DPP6: variants seen among roughly 807,000 people sequenced by gnomAD.
The protein encoded by DPP6 is dipeptidyl peptidase like 6.
Under a neutral mutation model 122.6 loss-of-function variants are expected in DPP6, and 69 were observed. The observed-to-expected ratio is 0.56, with a 90% CI of 0.46 to 0.69. The LOEUF is 0.69. Among genes scored for constraint, DPP6 ranks in the 30% least tolerant of loss-of-function variants. The pLI is 0.00. For missense variants in DPP6, 928 were observed against 1,116.9 expected (o/e 0.83, Z 2.41); for synonymous variants, 418 against 433.1 (o/e 0.97, Z 0.43).
At chr7:154,352,212 C>A (rs1179999946) in intron 1 of DPP6, among the ~76,000 whole-genome samples, 1 of 152,060 alleles carries the variant, frequency 6.6e-6, no homozygotes, top group African/African-American at 2.4e-5. Flanking sequence ...GCCTGTAATC[C>A]CAGCACTTTG....
intron 1 of DPP6, among the ~76,000 whole-genome samples, chr7:154,117,103 C>T (rs987335789): frequency 1.3e-5 from 2 of 151,972 alleles, no homozygotes; most frequent in Middle Eastern, 3.4e-3. Flanking sequence ...CTATCAGAAA[C>T]TTGATCTAGT....
the DPP6 span, among the ~76,000 whole-genome samples, chr7:153,831,147 T>C: frequency 6.6e-6 from 1 of 152,206 alleles, no homozygotes; most frequent in African/African-American, 2.4e-5. Context: ...ATGTGACTAA[T>C]TTAATGTACT....
intron 1 of DPP6, among the ~76,000 whole-genome samples, chr7:153,910,834 C>A (rs896522934): frequency 6.6e-6 from 1 of 152,166 alleles, no homozygotes; most frequent in Non-Finnish European, 1.5e-5. Context: ...CATCAACAAG[C>A]AGCTCGGGTT....
At chr7:153,913,908 C>T (rs986939992) in intron 1 of DPP6, among the ~76,000 whole-genome samples, 3 of 152,126 alleles carry the variant, frequency 2.0e-5, no homozygotes, top group Admixed American at 2.0e-4. Context: ...AGTAGAAATA[C>T]GGACTTTCTT....
intron 1 of DPP6, among the ~76,000 whole-genome samples, chr7:154,445,884 C>A (rs1819825308): frequency 6.6e-6 from 1 of 152,082 alleles, no homozygotes; most frequent in Admixed American, 6.5e-5. Flanking sequence ...AGAAGGAAAG[C>A]TCCAAGATGA....
At chr7:154,196,162 G>C (rs942809772) in intron 1 of DPP6, among the ~76,000 whole-genome samples, 1 of 152,200 alleles carries the variant, frequency 6.6e-6, no homozygotes, top group African/African-American at 2.4e-5. Context: ...TGTTAGATCT[G>C]CTACAGCTGG....
At chr7:154,302,105 G>C (rs182638083) in intron 1 of DPP6, among the ~76,000 whole-genome samples, 1 of 152,232 alleles carries the variant, frequency 6.6e-6, no homozygotes, top group African/African-American at 2.4e-5. Flanking sequence ...GTAGGTACAA[G>C]GTTGTACAGC....
intron 3 of DPP6, among the ~76,000 whole-genome samples, chr7:154,479,544 C>G (rs1368225875): frequency 8.9e-6 from 1 of 111,988 alleles, no homozygotes; most frequent in Non-Finnish European, 1.7e-5. Context: ...GGTGACAGAG[C>G]AAGACTCCAT....
At chr7:154,595,370 G>A (rs193252648) in intron 5 of DPP6, among the ~76,000 whole-genome samples, 6 of 152,140 alleles carry the variant, frequency 3.9e-5, no homozygotes, top group Non-Finnish European at 7.4e-5. Flanking sequence ...CTGCCTTGCT[G>A]CCTTCTACTC....
the DPP6 span, among the ~76,000 whole-genome samples, chr7:153,817,753 C>T: frequency 2.0e-3 from 236 of 119,178 alleles, no homozygotes; most frequent in Non-Finnish European, 3.4e-3. Context: ...ACATCACACA[C>T]CAGGGCCTGT....
chr7:154,393,089 A>G (rs1459004894), intron 1 of DPP6, among the ~76,000 whole-genome samples: 3 of 152,154 alleles, frequency 2.0e-5, no homozygotes, highest in Non-Finnish European at 4.4e-5. Flanking sequence ...AATATTTACC[A>G]TTTTCTGTAG....
chr7:154,492,753 G>C (rs1824390871), intron 3 of DPP6, among the ~76,000 whole-genome samples: 1 of 152,122 alleles, frequency 6.6e-6, no homozygotes, highest in South Asian at 2.1e-4. Context: ...GTCTCCAAAA[G>C]CCTTCGATGT....
intron 1 of DPP6, among the ~76,000 whole-genome samples, chr7:154,347,027 ATCATG>A (rs1810457110): frequency 6.6e-6 from 1 of 152,224 alleles, no homozygotes; most frequent in Admixed American, 6.5e-5. Context: ...ATCAGTAGGT[ATCATG>A]TATGTGCATG....
intron 1 of DPP6, among the ~76,000 whole-genome samples, chr7:154,382,830 A>T: frequency 6.6e-6 from 1 of 152,036 alleles, no homozygotes; most frequent in East Asian, 1.9e-4. Context: ...GGTTCAAGCG[A>T]TTCTCCTGCC....
intron 7 of DPP6, among the ~76,000 whole-genome samples, chr7:154,714,555 GC>G (rs1455043134): frequency 6.6e-6 from 1 of 152,140 alleles, no homozygotes; most frequent in Non-Finnish European, 1.5e-5. Flanking sequence ...AAAGGGAAAA[GC>G]CCTTTATAAA....
At chr7:154,129,363 C>T (rs1039994762) in intron 1 of DPP6, among the ~76,000 whole-genome samples, 1 of 152,156 alleles carries the variant, frequency 6.6e-6, no homozygotes, top group Non-Finnish European at 1.5e-5. Flanking sequence ...CATATCAAAA[C>T]TGTGGACCAG....
At chr7:154,671,639 A>ATGTG (rs3837063) in intron 7 of DPP6, among the ~76,000 whole-genome samples, 6 of 151,554 alleles carry the variant, frequency 4.0e-5, no homozygotes, top group Non-Finnish European at 7.4e-5. Flanking sequence ...GTGCATGCAT[A>ATGTG]TGTGTGTGTG....
the DPP6 span, among the ~76,000 whole-genome samples, chr7:153,774,837 C>T: frequency 6.6e-6 from 1 of 152,062 alleles, no homozygotes; most frequent in Admixed American, 6.6e-5. Flanking sequence ...TGGTGATATG[C>T]ACCCGCAATC....
At chr7:154,030,694 CTT>C (rs1395599248) in intron 1 of DPP6, among the ~76,000 whole-genome samples, 2 of 152,144 alleles carry the variant, frequency 1.3e-5, no homozygotes, top group African/African-American at 2.4e-5. Flanking sequence ...ACGCTCTCCT[CTT>C]GTGATACCTT....
Sources: allele counts gnomAD v4.1 joint callset (sites outside exome capture counted in the v4.1 genomes callset), GRCh38; gene constraint gnomAD v4.1.1; transcripts MANE v1.5; gene names NCBI Gene and HGNC (gene_info 2026-07-23, HGNC 2026-07-21).